The following PCTP variants were observed in gnomAD, a reference collection of about 807,000 sequenced individuals.
PCTP encodes phosphatidylcholine transfer protein, also known as START domain-containing protein 2.
A neutral mutation model predicts 31.0 loss-of-function variants in PCTP; 27 were observed. The ratio of observed to expected loss-of-function variants is 0.87; its 90% CI spans 0.64 to 1.20. The LOEUF is 1.20. Among genes scored for constraint, PCTP ranks in the 50% most tolerant of loss-of-function variants. The pLI, the probability that PCTP is intolerant of heterozygous loss-of-function variation, is 0.00. For synonymous variants in PCTP, 108 were observed against 101.2 expected, an observed-to-expected ratio of 1.07 and a Z score of -0.40; for missense variants, 287 against 268.2, an observed-to-expected ratio of 1.07 and a Z score of -0.49.
intron 3 of PCTP, among the ~76,000 whole-genome samples, chr17:55,819,660 T>A (rs12947396): frequency 6.6e-6 from 1 of 152,054 alleles, no homozygotes; most frequent in Non-Finnish European, 1.5e-5. Flanking sequence ...GAGGCTGAGG[T>A]GGTAGGATTG....
intron 3 of PCTP, among the ~76,000 whole-genome samples, chr17:55,808,477 G>A (rs960565649): frequency 6.6e-6 from 1 of 152,192 alleles, no homozygotes; most frequent in African/African-American, 2.4e-5. Flanking sequence ...GGCTAGAAAA[G>A]TCTGGCAAAT....
At chr17:55,753,737 G>A (rs766670197) in intron 1 of PCTP, among the ~76,000 whole-genome samples, 6 of 152,112 alleles carry the variant, frequency 3.9e-5, no homozygotes, top group African/African-American at 7.2e-5. Flanking sequence ...AGCCCAGACC[G>A]CTGTGCCATC....
At position 55,771,149 on chromosome 17, in the gene PCTP, G is replaced by C. The variant is rs747514969; in HGVS notation, c.303G>C (p.Trp101Cys). 4 of 1,613,262 alleles carry C rather than the reference G, an allele frequency of 2.5e-6. No individual in the cohort carries two copies. The highest frequency in any genetic ancestry group is 3.4e-6 in the Non-Finnish European group (4 of 1,179,358). ...QECNGETVVY[W>C]EVKYPFPMSN... ...GCAACGGAGAGACTGTGGTCTACTG[G>C]GAAGTGAAGTACCCTTTTCCCATGT... The change falls in exon 3 of 6, where the codon TGG becomes TGC. Residue 101 changes from tryptophan (W) to cysteine (C), a missense_variant. Coordinates refer to ENST00000268896, the MANE Select transcript of PCTP (RefSeq NM_021213.4).
chr17:55,754,430 A>G (rs1320478663), intron 1 of PCTP, among the ~76,000 whole-genome samples: 1 of 152,154 alleles, frequency 6.6e-6, no homozygotes, highest in Non-Finnish European at 1.5e-5. Flanking sequence ...GATATGGGGG[A>G]AGGATCTTGG....
intron 2 of PCTP, among the ~76,000 whole-genome samples, chr17:55,768,310 T>C (rs1359504831): frequency 2.0e-5 from 3 of 152,248 alleles, no homozygotes; most frequent in Non-Finnish European, 4.4e-5. Flanking sequence ...TTAAGTTGTG[T>C]GATCCTCCCA....
intron 1 of PCTP, among the ~76,000 whole-genome samples, chr17:55,755,757 T>C (rs902479814): frequency 6.6e-6 from 1 of 152,232 alleles, no homozygotes; most frequent in Non-Finnish European, 1.5e-5. Context: ...GTTGTAATGA[T>C]AATAACTTTA....
chr17:55,799,551 T>C (rs537978073), intron 3 of PCTP, among the ~76,000 whole-genome samples: 6 of 152,312 alleles, frequency 3.9e-5, no homozygotes, highest in African/African-American at 1.4e-4. Context: ...TGTCTTTTAA[T>C]TGGGGCATTT....
chr17:55,805,465 A>G (rs1912544589), intron 3 of PCTP, among the ~76,000 whole-genome samples: 1 of 151,836 alleles, frequency 6.6e-6, no homozygotes, highest in South Asian at 2.1e-4. Context: ...TCAGTATTTG[A>G]TGTCTCTGAG....
At chr17:55,810,921 A>G (rs1912731398) in intron 3 of PCTP, among the ~76,000 whole-genome samples, 1 of 152,250 alleles carries the variant, frequency 6.6e-6, no homozygotes, top group African/African-American at 2.4e-5. Flanking sequence ...AGTTTAAGCC[A>G]TCTTAAAACC....
intron 1 of PCTP, among the ~76,000 whole-genome samples, chr17:55,754,135 T>G (rs1909864622): frequency 6.6e-6 from 1 of 152,194 alleles, no homozygotes; most frequent in Non-Finnish European, 1.5e-5. Flanking sequence ...GTCCTCCTGT[T>G]CAGTGTTGAC....
At chr17:55,849,100 G>A in the PCTP span, among the ~76,000 whole-genome samples, 1 of 151,888 alleles carries the variant, frequency 6.6e-6, no homozygotes, top group African/African-American at 2.4e-5. Context: ...AAGCAGACAA[G>A]GAGTTACATA....
intron 3 of PCTP, among the ~76,000 whole-genome samples, chr17:55,791,135 A>C (rs1173203447): frequency 2.0e-5 from 3 of 151,886 alleles, no homozygotes; most frequent in Non-Finnish European, 4.4e-5. Flanking sequence ...CCTTCCTTAC[A>C]CCTTATACAA....
Position 55,751,192 on chromosome 17 carries a change from G to A in PCTP, c.89G>A (p.Trp30Ter). The change falls in exon 1 of 6, where the codon TGG (tryptophan) becomes TAG (stop). Residue 30 changes from tryptophan (W) to a stop codon, truncating the protein, a stop_gained. Coordinates refer to ENST00000268896, the MANE Select transcript of PCTP (RefSeq NM_021213.4). LOFTEE classifies it high-confidence loss of function. ...CAGCCCGCTCTGGCCGGGGCCGACT[G>A]GCAGCTCCTAGTGGAGACCTCGGGC... is the stretch of plus-strand genomic sequence containing the variant. ...LQQPALAGAD[W>*]QLLVETSGIS... The A allele has an allele frequency of 6.5e-7, 1 of 1,548,892 alleles. No individual in the cohort carries two copies. The highest frequency in any genetic ancestry group is 8.7e-7 in the Non-Finnish European group (1 of 1,146,290).
At chr17:55,773,394 A>G (rs1265070793) in intron 3 of PCTP, among the ~76,000 whole-genome samples, 1 of 152,196 alleles carries the variant, frequency 6.6e-6, no homozygotes, top group Non-Finnish European at 1.5e-5. Context: ...TAGCTTACCT[A>G]GGACCACACA....
chr17:55,767,554 T>G (rs1597981328), intron 2 of PCTP, 102 bp downstream of exon 2: 1 of 725,204 alleles, frequency 1.4e-6, no homozygotes, highest in East Asian at 3.2e-5. Context: ...AATCTCCGCC[T>G]CCTGGGTTCA....
intron 1 of PCTP, among the ~76,000 whole-genome samples, chr17:55,756,709 T>G (rs1007171360): frequency 7.9e-5 from 9 of 113,984 alleles, no homozygotes; most frequent in Non-Finnish European, 1.4e-4. Context: ...TGTGTGTGTA[T>G]TATGAATGTG....
chr17:55,753,391 TTA>T (rs1909818369), intron 1 of PCTP, among the ~76,000 whole-genome samples: 2 of 152,216 alleles, frequency 1.3e-5, no homozygotes, highest in African/African-American at 4.8e-5. Flanking sequence ...TAGCTAACAT[TTA>T]TTGCATGATT....
At chr17:55,754,865 G>A (rs1909924325) in intron 1 of PCTP, among the ~76,000 whole-genome samples, 1 of 152,138 alleles carries the variant, frequency 6.6e-6, no homozygotes, top group African/African-American at 2.4e-5. Flanking sequence ...TGGATGTACA[G>A]TACTGGAGTA....
intron 3 of PCTP, among the ~76,000 whole-genome samples, chr17:55,816,121 C>T (rs942757552): frequency 3.9e-5 from 6 of 152,138 alleles, no homozygotes; most frequent in African/African-American, 9.7e-5. Context: ...ATCTCACATA[C>T]GATTCACCCA....
Sources: allele counts gnomAD v4.1 joint callset (sites outside exome capture counted in the v4.1 genomes callset), GRCh38; gene constraint gnomAD v4.1.1; transcripts MANE v1.5; gene names NCBI Gene and HGNC (gene_info 2026-07-23, HGNC 2026-07-21).